Variants in ROBO2 observed in about 807,000 individuals in gnomAD.
ROBO2 encodes the protein roundabout guidance receptor 2.
Under a neutral mutation model 160.8 loss-of-function variants are expected in ROBO2, and 53 were observed. The ratio of observed to expected loss-of-function variants is 0.33; its 90% CI spans 0.26 to 0.41. The LOEUF is 0.41. Ranked by LOEUF, ROBO2 falls within the 10% of genes least tolerant of loss-of-function variation. The pLI, the probability that ROBO2 is intolerant of heterozygous loss-of-function variation, is 1.00. For synonymous variants in ROBO2, 664 were observed against 611.7 expected (o/e 1.09, Z -1.26); for missense variants, 1,577 against 1,722.4 (o/e 0.92, Z 1.49).
At chr3:77,458,008 G>A (rs2081860769) in intron 2 of ROBO2, among the ~76,000 whole-genome samples, 1 of 152,106 alleles carries the variant, frequency 6.6e-6, no homozygotes, top group Admixed American at 6.5e-5. Context: ...CCATGATAAT[G>A]AATGAACCTT....
intron 2 of ROBO2, among the ~76,000 whole-genome samples, chr3:76,660,469 A>T (rs111724427): frequency 7.9e-4 from 121 of 152,256 alleles, no homozygotes; most frequent in Admixed American, 3.7e-3. Flanking sequence ...ATATGAAAGG[A>T]TGTTACTGGT....
In ROBO2 at chr3:76,603,355, T is replaced by A. The variant is rs1480697050; in HGVS notation, c.110-494659T>A. 2.3e-3 allele frequency among the ~76,000 whole-genome samples: 165 copies of A among 70,764 alleles called. 2 individuals carry two copies. Among genetic ancestry groups the A allele is most frequent in the African/African-American group, 6.4e-3 (121 of 18,880 alleles). The allele number at this position is 70,764 out of a possible 152,430, so 46.4% of individuals were successfully genotyped here. On this transcript the variant is annotated intron_variant, in intron 2 of 26. Coordinates refer to the ROBO2 transcript ENST00000487694. ...TCCAAAAAAAAAAAAAAAAAAAATATATATATATATATATATATATATATA... is the reference window on the plus strand; with the variant it reads ...TCCAAAAAAAAAAAAAAAAAAAATAAATATATATATATATATATATATATA...
chr3:77,473,740 G>A (rs2083647459), intron 2 of ROBO2, among the ~76,000 whole-genome samples: 1 of 152,078 alleles, frequency 6.6e-6, no homozygotes, highest in Non-Finnish European at 1.5e-5. Flanking sequence ...ACAGGCGTGA[G>A]CCACCGCGCC....
chr3:77,390,656 G>C (rs2074629716), intron 2 of ROBO2, among the ~76,000 whole-genome samples: 1 of 152,012 alleles, frequency 6.6e-6, no homozygotes, highest in Non-Finnish European at 1.5e-5. Context: ...TTAGCAGCGT[G>C]ATAACAGATA....
intron 2 of ROBO2, among the ~76,000 whole-genome samples, chr3:76,428,887 C>T (rs566486095): frequency 1.3e-5 from 2 of 152,248 alleles, no homozygotes; most frequent in South Asian, 4.1e-4. Flanking sequence ...GTGGGACTGA[C>T]CATCTGGCAC....
chr3:77,218,360 C>T (rs1560266357), intron 2 of ROBO2, among the ~76,000 whole-genome samples: 1 of 151,394 alleles, frequency 6.6e-6, no homozygotes, highest in Non-Finnish European at 1.5e-5. Context: ...TCCTTCATAG[C>T]TCAGCTGAAA....
intron 2 of ROBO2, among the ~76,000 whole-genome samples, chr3:76,050,669 G>C (rs913158285): frequency 5.3e-5 from 8 of 152,078 alleles, no homozygotes; most frequent in African/African-American, 1.9e-4. Flanking sequence ...GTTCTGCAAC[G>C]GCTGTGTCCT....
At chr3:77,084,850 T>C (rs2069102611) in intron 1 of ROBO2, among the ~76,000 whole-genome samples, 1 of 152,162 alleles carries the variant, frequency 6.6e-6, no homozygotes, top group Non-Finnish European at 1.5e-5. Flanking sequence ...CATTTGCTGC[T>C]CTTCTCCATT....
chr3:77,004,524 T>C (rs1313586279), intron 2 of ROBO2, among the ~76,000 whole-genome samples: 1 of 152,174 alleles, frequency 6.6e-6, no homozygotes, highest in East Asian at 1.9e-4. Flanking sequence ...AGCTATACAA[T>C]GTCCATGGTA....
At chr3:77,381,053 C>T (rs1387236578) in intron 2 of ROBO2, among the ~76,000 whole-genome samples, 1 of 152,192 alleles carries the variant, frequency 6.6e-6, no homozygotes, top group South Asian at 2.1e-4. Flanking sequence ...CAGTGGCTCA[C>T]GCCTGTAATC....
chr3:76,148,419 C>G (rs1465384335), intron 2 of ROBO2, among the ~76,000 whole-genome samples: 1 of 152,034 alleles, frequency 6.6e-6, no homozygotes, highest in Non-Finnish European at 1.5e-5. Context: ...TCTAAGTACT[C>G]TGGCATGCCA....
At chr3:77,337,579 T>C (rs2066616436) in intron 2 of ROBO2, among the ~76,000 whole-genome samples, 1 of 152,176 alleles carries the variant, frequency 6.6e-6, no homozygotes, top group Admixed American at 6.6e-5. Flanking sequence ...GATATAAAAT[T>C]ATGTTTCTTA....
intron 2 of ROBO2, among the ~76,000 whole-genome samples, chr3:76,274,790 T>C (rs1399069534): frequency 6.6e-6 from 1 of 151,120 alleles, no homozygotes; most frequent in Non-Finnish European, 1.5e-5. Context: ...TGAGCTGAGA[T>C]TGTGCCACTG....
intron 2 of ROBO2, among the ~76,000 whole-genome samples, chr3:76,407,036 G>T (rs1311380571): frequency 7.4e-6 from 1 of 134,974 alleles, no homozygotes; most frequent in African/African-American, 2.8e-5. Context: ...ACTACTTTAC[G>T]CCTTGCTTAC....
intron 2 of ROBO2, among the ~76,000 whole-genome samples, chr3:77,233,011 G>T (rs2087430221): frequency 6.6e-6 from 1 of 152,104 alleles, no homozygotes; most frequent in Non-Finnish European, 1.5e-5. Context: ...TTAAATCCAA[G>T]TTATTGTGTA....
chr3:77,311,951 C>T (rs138507559), intron 2 of ROBO2, among the ~76,000 whole-genome samples: 5 of 152,004 alleles, frequency 3.3e-5, no homozygotes, highest in Admixed American at 2.0e-4. Context: ...CTGGATGTGA[C>T]GGTGCATACC....
chr3:76,983,206 G>A (rs6804799), intron 2 of ROBO2, among the ~76,000 whole-genome samples: 4,860 of 152,158 alleles, frequency 0.032, 260 homozygotes, highest in African/African-American at 0.11. Flanking sequence ...AACTGCTTGA[G>A]CCCGGAAGGT....
intron 2 of ROBO2, among the ~76,000 whole-genome samples, chr3:77,256,586 A>G (rs570241697): frequency 8.7e-4 from 132 of 152,326 alleles, no homozygotes; most frequent in African/African-American, 3.1e-3. Flanking sequence ...ATATCTTAAT[A>G]AACCTGCAAG....
rs188502300 is a variant in ROBO2, at chr3:76,403,863, C to A, written c.109+466261C>A. On this transcript the variant is annotated intron_variant, in intron 2 of 26. Coordinates refer to the ROBO2 transcript ENST00000487694. ...TATACGCCGTGCCATATTATTATTT[C>A]CTTTGGTATTTAGGACTACCCTTAA... Among the ~76,000 whole-genome samples the A allele has an allele frequency of 8.0e-3, 1,220 of 151,628 alleles. 8 individuals are homozygous for A. The highest frequency in any genetic ancestry group is 0.011 in the Non-Finnish European group (756 of 67,664).
Sources: gnomAD v4.1 joint callset for allele counts (sites outside exome capture counted in the v4.1 genomes callset) on GRCh38, gnomAD v4.1.1 for gene constraint, MANE v1.5 for transcripts, NCBI Gene and HGNC (gene_info 2026-07-23, HGNC 2026-07-21) for gene names.